The following GRIK1 variants were observed in gnomAD, a reference collection of about 807,000 sequenced individuals.
GRIK1 encodes the protein glutamate ionotropic receptor kainate type subunit 1.
A neutral mutation model predicts 105.7 loss-of-function variants in GRIK1; 69 were observed. The observed-to-expected ratio is 0.65, with a 90% CI of 0.54 to 0.80. GRIK1 has a LOEUF of 0.80. GRIK1 is among the 30% of genes least tolerant of loss of function. The pLI is 0.00. For missense variants in GRIK1, 1,109 were observed against 1,167.3 expected (o/e 0.95, Z 0.73); for synonymous variants, 438 against 431.3 (o/e 1.02, Z -0.19).
intron 1 of GRIK1, among the ~76,000 whole-genome samples, chr21:29,853,680 T>C (rs572605886): frequency 6.6e-6 from 1 of 152,332 alleles, no homozygotes; most frequent in African/African-American, 2.4e-5. Context: ...TATTAGCATA[T>C]TGATAGCAAA....
chr21:29,719,831 G>C (rs2064276681), intron 1 of GRIK1, among the ~76,000 whole-genome samples: 2 of 152,226 alleles, frequency 1.3e-5, no homozygotes, highest in Admixed American at 1.3e-4. Context: ...ATGTTTCAAG[G>C]CTCCTATGCA....
At chr21:29,665,920 C>A (rs548450154) in intron 4 of GRIK1, among the ~76,000 whole-genome samples, 2 of 152,142 alleles carry the variant, frequency 1.3e-5, no homozygotes, top group African/African-American at 2.4e-5. Context: ...CAGTCAAACA[C>A]GTAGCATATT....
At chr21:29,778,233 C>T (rs2066000041) in intron 1 of GRIK1, among the ~76,000 whole-genome samples, 1 of 152,258 alleles carries the variant, frequency 6.6e-6, no homozygotes, top group Non-Finnish European at 1.5e-5. Flanking sequence ...GTGTTATATG[C>T]TCTTAATGTC....
chr21:29,541,233 T>G (rs1301453482), intron 16 of GRIK1, among the ~76,000 whole-genome samples: 1 of 152,222 alleles, frequency 6.6e-6, no homozygotes, highest in East Asian at 1.9e-4. Context: ...TGCAAAGTGC[T>G]GGGATTACAG....
At chr21:29,735,531 T>C (rs902038531) in intron 1 of GRIK1, among the ~76,000 whole-genome samples, 7 of 152,198 alleles carry the variant, frequency 4.6e-5, no homozygotes, top group East Asian at 1.9e-4. Flanking sequence ...TTCTCTTCTC[T>C]TGGGGACACA....
intron 1 of GRIK1, among the ~76,000 whole-genome samples, chr21:29,878,842 T>C (rs959935981): frequency 5.9e-5 from 9 of 152,072 alleles, no homozygotes; most frequent in Non-Finnish European, 2.9e-5. Flanking sequence ...CTATGAGAAA[T>C]ACATTTCTAT....
chr21:29,850,141 T>G (rs1167196444), intron 1 of GRIK1, among the ~76,000 whole-genome samples: 1 of 152,208 alleles, frequency 6.6e-6, no homozygotes, highest in Non-Finnish European at 1.5e-5. Flanking sequence ...CCTTACTGCA[T>G]TAACATTTGC....
intron 6 of GRIK1, among the ~76,000 whole-genome samples, chr21:29,646,779 T>A (rs965905267): frequency 2.6e-5 from 4 of 152,170 alleles, no homozygotes; most frequent in Non-Finnish European, 5.9e-5. Flanking sequence ...ATGTGCAAGC[T>A]AAGGAATGTG....
At chr21:29,640,549 T>A (rs1019848676) in intron 7 of GRIK1, among the ~76,000 whole-genome samples, 1 of 152,222 alleles carries the variant, frequency 6.6e-6, no homozygotes, top group Non-Finnish European at 1.5e-5. Flanking sequence ...TTGGAGTGAA[T>A]GAATATAAAA....
At chr21:29,643,911 C>T (rs559846355) in intron 6 of GRIK1, among the ~76,000 whole-genome samples, 8 of 110,048 alleles carry the variant, frequency 7.3e-5, no homozygotes, top group African/African-American at 2.5e-4. Flanking sequence ...CACACACATG[C>T]ACACACACAC....
intron 16 of GRIK1, among the ~76,000 whole-genome samples, chr21:29,543,885 A>G (rs2090010264): frequency 6.6e-6 from 1 of 152,212 alleles, no homozygotes. Flanking sequence ...ATGACTCTCG[A>G]AAGCCCCTGT....
chr21:29,843,557 T>A (rs2068036802), intron 1 of GRIK1, among the ~76,000 whole-genome samples: 1 of 152,144 alleles, frequency 6.6e-6, no homozygotes, highest in Non-Finnish European at 1.5e-5. Context: ...TAAAAGGCCT[T>A]ATATATTTTT....
rs541520274 is a variant in GRIK1 at position 29,719,509 on chromosome 21, A to G, written c.119-25446T>C. Among the ~76,000 whole-genome samples, 9 of 152,308 alleles carry G rather than the reference A, an allele frequency of 5.9e-5. No homozygotes were observed. The South Asian group carries it at 1.7e-3, about 28-fold the overall frequency. Reference sequence around the variant, plus strand: ...ATATAACTCTGTAAAATTAGGGCTAAATTCCTTGAGAAGAATTTAAAACAT... The same window carrying G: ...ATATAACTCTGTAAAATTAGGGCTAGATTCCTTGAGAAGAATTTAAAACAT... On this transcript the variant is annotated intron_variant, in intron 1 of 17. Transcript: ENST00000327783.
intron 6 of GRIK1, among the ~76,000 whole-genome samples, chr21:29,649,083 C>T (rs2062675189): frequency 6.6e-6 from 1 of 152,080 alleles, no homozygotes; most frequent in Admixed American, 6.6e-5. Context: ...CCCTTCAATG[C>T]CCTTCACCTC....
chr21:29,560,388 C>CTTTCTTTCTTTCTTT (rs1568813959), intron 15 of GRIK1, among the ~76,000 whole-genome samples: 9 of 43,632 alleles, frequency 2.1e-4, no homozygotes, highest in South Asian at 9.4e-4. Flanking sequence ...TTCCTTCCTT[C>CTTTCTTTCTTTCTTT]CTTCCTTCCT....
chr21:29,756,197 C>T (rs1036629229), intron 1 of GRIK1, among the ~76,000 whole-genome samples: 3 of 152,054 alleles, frequency 2.0e-5, no homozygotes, highest in East Asian at 1.9e-4. Flanking sequence ...CTGGCTAACA[C>T]GGTGAAACCC....
At chr21:29,891,719 AG>A (rs2069905968) in intron 1 of GRIK1, among the ~76,000 whole-genome samples, 2 of 152,206 alleles carry the variant, frequency 1.3e-5, no homozygotes, top group Non-Finnish European at 2.9e-5. Context: ...TAGGGAAAAA[AG>A]GGTTTTATTA....
intron 1 of GRIK1, among the ~76,000 whole-genome samples, chr21:29,890,313 T>C (rs993008213): frequency 2.6e-5 from 4 of 152,144 alleles, no homozygotes; most frequent in Non-Finnish European, 5.9e-5. Context: ...ATATGTAAAA[T>C]AAATCAATTT....
chr21:29,749,653 G>A (rs1247269895), intron 1 of GRIK1, among the ~76,000 whole-genome samples: 1 of 152,194 alleles, frequency 6.6e-6, no homozygotes, highest in African/African-American at 2.4e-5. Flanking sequence ...TTCATGTGCA[G>A]CATTTGACCG....
Sources: gnomAD v4.1 joint callset for allele counts (sites outside exome capture counted in the v4.1 genomes callset) on GRCh38, gnomAD v4.1.1 for gene constraint, MANE v1.5 for transcripts, NCBI Gene and HGNC (gene_info 2026-07-23, HGNC 2026-07-21) for gene names.